The following CAAP1 variants were observed in gnomAD, a reference collection of about 807,000 sequenced individuals.
CAAP1 encodes the protein caspase activity and apoptosis inhibitor 1, also known as conserved anti-apoptotic protein.
A neutral mutation model predicts 34.0 loss-of-function variants in CAAP1; 20 were observed. The ratio of observed to expected loss-of-function variants is 0.59; its 90% CI spans 0.41 to 0.86. The LOEUF (loss-of-function observed/expected upper bound fraction) is 0.86. Among genes scored for constraint, CAAP1 ranks in the 40% least tolerant of loss-of-function variants. The probability of loss-of-function intolerance (pLI) is 0.00; values close to 1 mark genes in which losing one functional copy is unlikely to be tolerated. For missense variants in CAAP1, 538 were observed against 450.5 expected, an observed-to-expected ratio of 1.19 and a Z score of -1.76; for synonymous variants, 213 against 166.7, an observed-to-expected ratio of 1.28 and a Z score of -2.14.
intron 5 of CAAP1, among the ~76,000 whole-genome samples, chr9:26,858,684 G>A (rs893747570): frequency 1.5e-4 from 23 of 152,104 alleles, no homozygotes; most frequent in Non-Finnish European, 5.9e-5. Flanking sequence ...TTAGCCGGGC[G>A]TGGTGGGGAG....
At chr9:26,858,143 T>C (rs1822916059) in intron 5 of CAAP1, among the ~76,000 whole-genome samples, 1 of 152,248 alleles carries the variant, frequency 6.6e-6, no homozygotes, top group Admixed American at 6.5e-5. Flanking sequence ...GCCATTAAAA[T>C]GACAATGCAT....
Position 26,869,689 on chromosome 9 carries a change from T to C in CAAP1, c.666-8550A>G, listed in dbSNP as rs146500930. On this transcript the variant is annotated intron_variant, in intron 4 of 5. Coordinates refer to ENST00000333916, the MANE Select transcript of CAAP1 (RefSeq NM_024828.4). ...CATATTTAAATTACACAATTATAAA[T>C]TGCCTTGGAAACACAGATGAGTAAC... 3.0e-3 allele frequency among the ~76,000 whole-genome samples: 453 copies of C among 152,302 alleles called. 2 individuals are homozygous for C. Among genetic ancestry groups the C allele is most frequent in the Middle Eastern group, 0.01 (3 of 294 alleles).
chr9:26,886,037 C>T, intron 3 of CAAP1, 67 bp downstream of exon 3: 1 of 680,228 alleles, frequency 1.5e-6, no homozygotes, highest in Non-Finnish European at 2.3e-6. Context: ...GAAAGAATAC[C>T]TCAGGATTTA....
chr9:26,873,494 T>G (rs553853938), intron 4 of CAAP1, among the ~76,000 whole-genome samples: 6 of 152,320 alleles, frequency 3.9e-5, no homozygotes, highest in Admixed American at 2.6e-4. Flanking sequence ...TTATTCCTTA[T>G]ATATGAAATC....
intron 1 of CAAP1, among the ~76,000 whole-genome samples, chr9:26,889,114 G>A (rs1823834532): frequency 6.6e-6 from 1 of 152,160 alleles, no homozygotes; most frequent in Admixed American, 6.5e-5. Context: ...CTGGAGTGAT[G>A]AAAATATTTT....
chr9:26,885,440 A>G (rs1027067409), intron 3 of CAAP1, among the ~76,000 whole-genome samples: 25 of 152,296 alleles, frequency 1.6e-4, no homozygotes, highest in African/African-American at 6.0e-4. Flanking sequence ...ATACACTTAC[A>G]CACTATGTAC....
In CAAP1 at chr9:26,855,369, T is replaced by A. The variant is rs557741356; in HGVS notation, c.739+5697A>T. Among the ~76,000 whole-genome samples, 9 of 152,216 alleles carry A rather than the reference T, an allele frequency of 5.9e-5. No homozygotes were observed. In the South Asian group the frequency reaches 1.9e-3, roughly 32 times the overall value. On this transcript the variant is annotated intron_variant, in intron 5 of 5. Transcript: ENST00000333916. The stretch of plus-strand genomic sequence containing the variant: ...AAATAGGTAGAACACAGAAGACTTT[T>A]AAGGCAGTGAAAATATTCTATATAT...
chr9:26,850,772 G>A (rs1372982613), intron 5 of CAAP1, among the ~76,000 whole-genome samples: 2 of 152,034 alleles, frequency 1.3e-5, no homozygotes, highest in African/African-American at 4.8e-5. Flanking sequence ...TAGAGAACTT[G>A]GCTTTTTTTT....
intron 4 of CAAP1, among the ~76,000 whole-genome samples, chr9:26,867,930 T>C (rs1736230833): frequency 6.6e-6 from 1 of 152,204 alleles, no homozygotes; most frequent in South Asian, 2.1e-4. Flanking sequence ...CAAAAAAGTT[T>C]TAGAAGTATG....
At chr9:26,890,087 T>C (rs1049519805) in intron 1 of CAAP1, among the ~76,000 whole-genome samples, 1 of 151,792 alleles carries the variant, frequency 6.6e-6, no homozygotes, top group Non-Finnish European at 1.5e-5. Context: ...AGTGGGAAAC[T>C]GGTCAGGCGC....
At chr9:26,848,168 C>T (rs951978494) in intron 5 of CAAP1, among the ~76,000 whole-genome samples, 5 of 152,154 alleles carry the variant, frequency 3.3e-5, no homozygotes, top group Non-Finnish European at 5.9e-5. Context: ...TTTAGCATAA[C>T]TTAAAAGTTC....
intron 5 of CAAP1, among the ~76,000 whole-genome samples, chr9:26,844,005 T>A (rs1822538587): frequency 6.6e-6 from 1 of 152,106 alleles, no homozygotes; most frequent in African/African-American, 2.4e-5. Context: ...GAAAATTGAA[T>A]AAAACCTTTC....
At chr9:26,846,632 T>C (rs548689336) in intron 5 of CAAP1, among the ~76,000 whole-genome samples, 2 of 152,192 alleles carry the variant, frequency 1.3e-5, no homozygotes, top group South Asian at 4.1e-4. Flanking sequence ...TTACAGTTCA[T>C]TCTTGTAAAA....
At chr9:26,875,221 C>T (rs1278693917) in intron 4 of CAAP1, among the ~76,000 whole-genome samples, 4 of 152,036 alleles carry the variant, frequency 2.6e-5, no homozygotes, top group Non-Finnish European at 1.5e-5. Flanking sequence ...CCCAACTCTA[C>T]TAAAAAATAC....
intron 4 of CAAP1, among the ~76,000 whole-genome samples, chr9:26,878,893 T>A (rs966722818): frequency 2.0e-5 from 3 of 152,112 alleles, no homozygotes; most frequent in Non-Finnish European, 2.9e-5. Flanking sequence ...AAGTAAACAC[T>A]TTGTAGTTAT....
intron 4 of CAAP1, among the ~76,000 whole-genome samples, chr9:26,878,132 T>G (rs1422537373): frequency 6.6e-6 from 1 of 152,192 alleles, no homozygotes; most frequent in Non-Finnish European, 1.5e-5. Flanking sequence ...CTTACAGAAT[T>G]TAGTTTAAAA....
chr9:26,865,446 C>T (rs1490564231), intron 4 of CAAP1, among the ~76,000 whole-genome samples: 2 of 151,644 alleles, frequency 1.3e-5, no homozygotes, highest in Non-Finnish European at 2.9e-5. Context: ...ATCACTGGAA[C>T]CCGGGAGGTG....
chr9:26,872,588 A>T (rs1821405986), intron 4 of CAAP1, among the ~76,000 whole-genome samples: 1 of 150,426 alleles, frequency 6.6e-6, no homozygotes, highest in Non-Finnish European at 1.5e-5. Context: ...ACAGAGTGTC[A>T]ATCTGTTGCC....
At chr9:26,861,368 AG>A (rs1473399923) in intron 4 of CAAP1, among the ~76,000 whole-genome samples, 1 of 152,194 alleles carries the variant, frequency 6.6e-6, no homozygotes, top group African/African-American at 2.4e-5. Flanking sequence ...TGTAAAATCA[AG>A]GGGCAAACCT....
Sources: gnomAD v4.1 joint callset for allele counts (sites outside exome capture counted in the v4.1 genomes callset) on GRCh38, gnomAD v4.1.1 for gene constraint, MANE v1.5 for transcripts, NCBI Gene and HGNC (gene_info 2026-07-23, HGNC 2026-07-21) for gene names.